Variants in LEPR observed in about 807,000 individuals in gnomAD.
The protein encoded by LEPR is OB receptor.
LEPR carries 56 observed loss-of-function variants against 114.7 expected under a neutral mutation model. The observed-to-expected ratio is 0.49, with a 90% CI of 0.39 to 0.61. The LOEUF (loss-of-function observed/expected upper bound fraction) is 0.61, where lower values mean the gene tolerates loss of function less well. LEPR is among the 20% of genes least tolerant of loss of function. The probability of loss-of-function intolerance (pLI) is 0.00; values close to 1 mark genes in which losing one functional copy is unlikely to be tolerated. For missense variants in LEPR, 1,202 were observed against 1,352.9 expected (o/e 0.89, Z 1.75); for synonymous variants, 443 against 461.4 (o/e 0.96, Z 0.51).
In LEPR at chr1:65,637,216, C is replaced by T. The variant is rs577287309; in HGVS notation, c.*201C>T. The T allele has an allele frequency of 4.5e-5, 23 of 505,504 alleles. No homozygotes were observed. Among genetic ancestry groups the T allele is most frequent in the Middle Eastern group, 5.5e-4 (1 of 1,810 alleles). 31.3% of individuals were successfully genotyped at this position (505,504 alleles called of 1,614,324 possible). ...CTTCATAAGCCTACCAATGTAGACACGCTCTTCTATTTTATTCCCAAGCTC... is the reference window on the plus strand; with the variant it reads ...CTTCATAAGCCTACCAATGTAGACATGCTCTTCTATTTTATTCCCAAGCTC... On this transcript the variant is annotated 3_prime_UTR_variant, in exon 20 of 20. Transcript: ENST00000349533.
At chr1:65,557,136 A>G (rs1437601179) in intron 2 of LEPR, among the ~76,000 whole-genome samples, 1 of 152,118 alleles carries the variant, frequency 6.6e-6, no homozygotes, top group Non-Finnish European at 1.5e-5. Context: ...TATTATTAGG[A>G]TGTTCATGAG....
At chr1:65,474,404 A>G (rs1172161316) in intron 2 of LEPR, among the ~76,000 whole-genome samples, 5 of 152,200 alleles carry the variant, frequency 3.3e-5, no homozygotes, top group Admixed American at 6.5e-5. Context: ...TATGGTGAAA[A>G]TGAATTTAAA....
intron 2 of LEPR, among the ~76,000 whole-genome samples, chr1:65,431,445 TA>T (rs1646483108): frequency 6.6e-6 from 1 of 152,276 alleles, no homozygotes; most frequent in Non-Finnish European, 1.5e-5. Context: ...CTACAATTTT[TA>T]TTTTCCATGA....
intron 5 of LEPR, among the ~76,000 whole-genome samples, chr1:65,590,306 T>G (rs1655604806): frequency 9.5e-6 from 1 of 105,376 alleles, no homozygotes; most frequent in African/African-American, 3.7e-5. Context: ...AATATCGTGC[T>G]TTCAGTTTTT....
intron 2 of LEPR, among the ~76,000 whole-genome samples, chr1:65,494,491 C>T (rs1277888519): frequency 6.6e-6 from 1 of 152,122 alleles, no homozygotes; most frequent in Non-Finnish European, 1.5e-5. Context: ...TGTTCTCTCT[C>T]CTCCACTAGC....
chr1:65,460,980 CTT>C (rs529223465), intron 2 of LEPR, among the ~76,000 whole-genome samples: 75 of 138,506 alleles, frequency 5.4e-4, no homozygotes, highest in Admixed American at 6.5e-4. Flanking sequence ...TCTTTCTTTT[CTT>C]TTTTTTTTTT....
At chr1:65,582,043 A>G (rs146862450) in intron 5 of LEPR, among the ~76,000 whole-genome samples, 1 of 152,236 alleles carries the variant, frequency 6.6e-6, no homozygotes, top group East Asian at 1.9e-4. Context: ...TGCTTCTCCA[A>G]ATCCTTCTAG....
intron 19 of LEPR, chr1:65,629,405 G>C (rs1336971904): frequency 2.3e-6 from 1 of 433,880 alleles, no homozygotes; most frequent in Non-Finnish European, 4.6e-6. Context: ...CTAATAAACT[G>C]AATTTGCATT....
chr1:65,522,511 G>A (rs1400952262), intron 2 of LEPR, among the ~76,000 whole-genome samples: 1 of 152,148 alleles, frequency 6.6e-6, no homozygotes, highest in African/African-American at 2.4e-5. Flanking sequence ...TGTAAGAGTG[G>A]AAGAGTAAGA....
intron 5 of LEPR, among the ~76,000 whole-genome samples, chr1:65,589,509 T>A (rs1406666387): frequency 1.3e-5 from 2 of 152,000 alleles, no homozygotes; most frequent in Non-Finnish European, 2.9e-5. Flanking sequence ...GGTCACAAAA[T>A]TTTTTACTTA....
chr1:65,636,753 A>T lies in LEPR; in HGVS notation c.3236A>T (p.Tyr1079Phe). The change falls in exon 20 of 20, where the codon TAT becomes TTT. Residue 1079 changes from tyrosine to phenylalanine, a missense_variant. By Grantham distance (22) the Tyr-to-Phe change is conservative (BLOSUM62 3). Coordinates refer to ENST00000349533, the MANE Select transcript of LEPR (RefSeq NM_002303.6). ...AATAATGATAAAAAGTCTATCTATT[A>T]TTTAGGGGTCACCTCAATCAAAAAG... The part of the protein sequence containing the change: ...EENNDKKSIY[Y>F]LGVTSIKKRE... The T allele has an allele frequency of 1.9e-6, 3 of 1,613,962 alleles. No individual in the cohort carries two copies.
At chr1:65,508,345 T>C (rs149999282) in intron 2 of LEPR, among the ~76,000 whole-genome samples, 171 of 152,330 alleles carry the variant, frequency 1.1e-3, no homozygotes, top group African/African-American at 4.0e-3. Flanking sequence ...CTTTAATCCA[T>C]TTTGAGTTGA....
At chr1:65,453,529 T>C (rs376059485) in intron 2 of LEPR, among the ~76,000 whole-genome samples, 28,311 of 151,196 alleles carry the variant, frequency 0.19, 4,044 homozygotes, top group African/African-American at 0.4. Context: ...GCCTTCATTT[T>C]GTTATGTACC....
intron 2 of LEPR, among the ~76,000 whole-genome samples, chr1:65,478,194 C>A (rs1244413649): frequency 6.6e-6 from 1 of 152,256 alleles, no homozygotes; most frequent in Admixed American, 6.5e-5. Context: ...TGGAAAAACA[C>A]CCAGGCTAGG....
At chr1:65,548,230 A>G (rs941526364) in intron 2 of LEPR, among the ~76,000 whole-genome samples, 18 of 152,194 alleles carry the variant, frequency 1.2e-4, no homozygotes, top group Admixed American at 1.2e-3. Context: ...ACTTCCAACC[A>G]TGTGGTCAAT....
intron 2 of LEPR, among the ~76,000 whole-genome samples, chr1:65,449,599 G>T (rs1646755573): frequency 6.6e-6 from 1 of 152,030 alleles, no homozygotes; most frequent in African/African-American, 2.4e-5. Flanking sequence ...AGGAGCTGGA[G>T]CCTGTGCCAG....
intron 4 of LEPR, 26 bp downstream of exon 4, chr1:65,570,828 T>C (rs745461931): frequency 2.0e-6 from 3 of 1,506,160 alleles, no homozygotes; most frequent in Non-Finnish European, 2.7e-6. Context: ...GTTTTAAATG[T>C]ATTGAACAAT....
Position 65,636,936 on chromosome 1 carries a change from C to G in LEPR, c.3419C>G (p.Ser1140Cys), listed in dbSNP as rs148993953. The change falls in exon 20 of 20, where the codon TCT becomes TGT. Residue 1140 changes from serine to cysteine, a missense_variant. Physicochemically the swap from Ser to Cys is moderately radical, Grantham distance 112. Transcript: ENST00000349533. ...ACTTCTAGTAAGAAGACTTTTGCAT[C>G]TTACATGCCTCAATTCCAAACTTGT... is the stretch of plus-strand genomic sequence containing the variant. ...LGTSSKKTFASYMPQFQTCST... is the reference protein window; with the variant it reads ...LGTSSKKTFACYMPQFQTCST... 6.2e-7 allele frequency: 1 copy of G among 1,608,048 alleles called. No homozygotes were observed.
intron 2 of LEPR, among the ~76,000 whole-genome samples, chr1:65,556,895 A>G (rs1396855661): frequency 6.6e-6 from 1 of 152,122 alleles, no homozygotes; most frequent in Non-Finnish European, 1.5e-5. Context: ...TGATCTGGTC[A>G]ATGTGTTAAT....
Sources: allele counts gnomAD v4.1 joint callset (sites outside exome capture counted in the v4.1 genomes callset), GRCh38; gene constraint gnomAD v4.1.1; transcripts MANE v1.5; gene names NCBI Gene and HGNC (gene_info 2026-07-23, HGNC 2026-07-21).